Variants in TEAD3 observed in about 807,000 individuals in gnomAD.
TEAD3 encodes TEA domain transcription factor 3.
In TEAD3, 15 loss-of-function variants were observed where a neutral mutation model predicts 55.6. The ratio of observed to expected loss-of-function variants is 0.27; its 90% CI spans 0.18 to 0.42. The LOEUF is 0.42. Among genes scored for constraint, TEAD3 ranks in the 10% least tolerant of loss-of-function variants. The pLI, the probability that TEAD3 is intolerant of heterozygous loss-of-function variation, is 1.00. For missense variants in TEAD3, 407 were observed against 576.8 expected (o/e 0.71, Z 3.01); for synonymous variants, 210 against 232.2 (o/e 0.90, Z 0.87).
chr6:35,494,777 A>G (rs1189441707), intron 1 of TEAD3, among the ~76,000 whole-genome samples: 2 of 152,030 alleles, frequency 1.3e-5, no homozygotes, highest in African/African-American at 4.8e-5. Flanking sequence ...GCGGCCTCTG[A>G]GCACCCTTTG....
intron 1 of TEAD3, among the ~76,000 whole-genome samples, chr6:35,493,757 C>T (rs1310362987): frequency 6.6e-6 from 1 of 152,262 alleles, no homozygotes; most frequent in East Asian, 1.9e-4. Flanking sequence ...ACTCATCCGG[C>T]TTCTCACGCA....
chr6:35,495,844 C>A (rs1318825762), intron 1 of TEAD3, among the ~76,000 whole-genome samples: 2 of 152,222 alleles, frequency 1.3e-5, no homozygotes, highest in African/African-American at 4.8e-5. Flanking sequence ...ATGCCCTGTT[C>A]TTCCGGACAA....
chr6:35,489,627 T>A (rs1581728756), intron 1 of TEAD3, among the ~76,000 whole-genome samples: 1 of 152,152 alleles, frequency 6.6e-6, no homozygotes, highest in Non-Finnish European at 1.5e-5. Flanking sequence ...AGGGGCCAGA[T>A]GCCCTCATTC....
At position 35,488,831 on chromosome 6, in the gene TEAD3, C is replaced by T. The variant is rs927629857; in HGVS notation, c.-49-2120G>A. 1.5e-4 allele frequency among the ~76,000 whole-genome samples: 23 copies of T among 152,320 alleles called. No individual in the cohort carries two copies. Among genetic ancestry groups the T allele is most frequent in the Admixed American group, 8.5e-4 (13 of 15,304 alleles). Reference sequence around the variant, plus strand: ...CTCCACCTCCTGGGTTCAAGCGATTCTCCTGCCTCAGACTCCCATGCAGCC... The same window carrying T: ...CTCCACCTCCTGGGTTCAAGCGATTTTCCTGCCTCAGACTCCCATGCAGCC... On this transcript the variant is annotated intron_variant, in intron 1 of 12. Coordinates refer to ENST00000639578, the Ensembl canonical transcript of TEAD3. This position sits in a 1 kb window ranked among gnomAD's most constrained non-coding sequence, Gnocchi z 4.2.
rs148718384 is a variant in TEAD3 at position 35,494,728 on chromosome 6, C to T, written c.-50+2170G>A. ...TCCACACTGAGCCCTGGGACCCCCA[C>T]AGGTGTCTGGGAGTGGGGCAGAGGG... is the stretch of plus-strand genomic sequence containing the variant. On this transcript the variant is annotated intron_variant, in intron 1 of 12. Transcript: ENST00000639578. Among the ~76,000 whole-genome samples the T allele has an allele frequency of 1.6e-3, 245 of 152,252 alleles. 1 individual carries two copies. The highest frequency in any genetic ancestry group is 5.8e-3 in the African/African-American group (239 of 41,524).
chr6:35,490,397 T>C (rs1768486460), intron 1 of TEAD3, among the ~76,000 whole-genome samples: 1 of 151,920 alleles, frequency 6.6e-6, no homozygotes, highest in Admixed American at 6.6e-5. Context: ...AGGACCACCG[T>C]CCCTCCCTTC....
chr6:35,477,271 T>C (rs772560947), intron 8 of TEAD3, 40 bp downstream of exon 8: 1 of 1,606,092 alleles, frequency 6.2e-7, no homozygotes, highest in East Asian at 2.2e-5. Context: ...TGAGTGGAGG[T>C]GCAGGTGCCA....
chr6:35,475,225 C>A lies in TEAD3; in HGVS notation c.1195-68G>T, dbSNP rs961903562. On this transcript the variant is annotated intron_variant, in intron 12 of 12. Transcript: ENST00000639578. This position sits in a 1 kb window ranked among gnomAD's most constrained non-coding sequence, Gnocchi z 5.4. ...AAGGGCCACGGGGCAGGGGGCTGAA[C>A]AGACCATTCTCCTTTCCGGATCTAT... The A allele has an allele frequency of 3.1e-5, 49 of 1,581,904 alleles. No homozygotes were observed. The East Asian group carries it at 1.1e-3, about 34-fold the overall frequency.
At position 35,484,853 on chromosome 6, in the gene TEAD3, G is replaced by T. The variant is rs1016608877; in HGVS notation, c.203-229C>A. 6.6e-6 allele frequency among the ~76,000 whole-genome samples: 1 copy of T among 152,174 alleles called. No homozygotes were observed. Among genetic ancestry groups the T allele is most frequent in the African/African-American group, 2.4e-5 (1 of 41,430 alleles). On this transcript the variant is annotated intron_variant, in intron 2 of 12. Transcript: ENST00000639578. The surrounding 1 kb of genome is among the most constrained non-coding windows in gnomAD (Gnocchi z 5.8). ...TAGAGGGGCTGCTCTTCAGGGGAGGGGTGCATGAGGGGCTGCAGGGTAGGA... is the reference window on the plus strand; with the variant it reads ...TAGAGGGGCTGCTCTTCAGGGGAGGTGTGCATGAGGGGCTGCAGGGTAGGA...
chr6:35,474,759 CCTCT>C (rs1018070372), downstream of TEAD3: 1 of 383,754 alleles, frequency 2.6e-6, no homozygotes, highest in Admixed American at 4.4e-5. Context: ...CCTATCCCCA[CCTCT>C]CTGAGGTCAC....
chr6:35,489,972 T>C (rs1009714516), intron 1 of TEAD3, among the ~76,000 whole-genome samples: 4 of 151,990 alleles, frequency 2.6e-5, no homozygotes, highest in African/African-American at 4.8e-5. Context: ...CCTGTTGAAA[T>C]AGTTGGGATG....
At chr6:35,480,049 G>T in intron 4 of TEAD3, 1 of 1,502,008 alleles carries the variant, frequency 6.7e-7, no homozygotes, top group Non-Finnish European at 9.0e-7. Context: ...CAGGTGGCAG[G>T]GGCCCCGTAC....
At chr6:35,494,561 G>A (rs1047731116) in intron 1 of TEAD3, among the ~76,000 whole-genome samples, 3 of 152,196 alleles carry the variant, frequency 2.0e-5, no homozygotes, top group African/African-American at 7.2e-5. Flanking sequence ...CCACCCCTGG[G>A]ACCCCACAGC....
intron 1 of TEAD3, among the ~76,000 whole-genome samples, chr6:35,492,954 G>C (rs950273939): frequency 6.6e-6 from 1 of 152,022 alleles, no homozygotes; most frequent in Non-Finnish European, 1.5e-5. Flanking sequence ...GACTATAGGG[G>C]GTCACTGGGT....
At chr6:35,478,346 C>G in intron 6 of TEAD3, 22 bp from the exon 7 acceptor site, 1 of 1,613,782 alleles carries the variant, frequency 6.2e-7, no homozygotes, top group Non-Finnish European at 8.5e-7. Context: ...AGACAAGGCC[C>G]AGGGGCCCCT....
At chr6:35,490,193 C>T (rs965826330) in intron 1 of TEAD3, among the ~76,000 whole-genome samples, 1 of 152,218 alleles carries the variant, frequency 6.6e-6, no homozygotes. Flanking sequence ...CTGTGGCCCC[C>T]CCTTCTTAGG....
chr6:35,481,387 G>A (rs1184426081), intron 3 of TEAD3, among the ~76,000 whole-genome samples: 1 of 152,098 alleles, frequency 6.6e-6, no homozygotes, highest in Non-Finnish European at 1.5e-5. Context: ...TTTGCGAGTT[G>A]TTTTTACTCC....
At chr6:35,482,002 T>G (rs1175663939) in intron 3 of TEAD3, among the ~76,000 whole-genome samples, 1 of 152,246 alleles carries the variant, frequency 6.6e-6, no homozygotes, top group Non-Finnish European at 1.5e-5. Flanking sequence ...TTTCTTTTTT[T>G]GAGATGGAGT....
chr6:35,486,711 C>G lies in TEAD3; in HGVS notation c.-49G>C. On this transcript the variant is annotated splice_region_variant and 5_prime_UTR_variant, in exon 2 of 13. Coordinates refer to ENST00000639578, the Ensembl canonical transcript of TEAD3. The surrounding 1 kb of genome is among the most constrained non-coding windows in gnomAD (Gnocchi z 7.3). ...GGCCTGAGCCCACTGGGCGGCTGAG[C>G]CTGGGGGACAGACAGACAGGAACTG... is the stretch of plus-strand genomic sequence containing the variant. The G allele has an allele frequency of 6.3e-7, 1 of 1,587,660 alleles. No homozygotes were observed. The highest frequency in any genetic ancestry group is 8.6e-7 in the Non-Finnish European group (1 of 1,164,498).
Sources: allele counts gnomAD v4.1 joint callset (sites outside exome capture counted in the v4.1 genomes callset), GRCh38; gene constraint gnomAD v4.1.1; non-coding constraint Gnocchi (gnomAD v3.1); transcripts MANE v1.5; gene names NCBI Gene and HGNC (gene_info 2026-07-23, HGNC 2026-07-21).